The following NALCN variants were observed in gnomAD, a reference collection of about 807,000 sequenced individuals.
NALCN encodes sodium leak channel NALCN.
NALCN carries 111 observed loss-of-function variants against 225.3 expected under a neutral mutation model. The observed-to-expected ratio is 0.49, with a 90% confidence interval of 0.42 to 0.58. The LOEUF (loss-of-function observed/expected upper bound fraction) is 0.58. Ranked by LOEUF, NALCN falls within the 20% of genes least tolerant of loss-of-function variation. The pLI is 0.00. For missense variants in NALCN, 1,378 were observed against 2,202.4 expected (o/e 0.63, Z 7.49); for synonymous variants, 764 against 769.0 (o/e 0.99, Z 0.11).
chr13:101,317,829 T>C (rs908103544), intron 7 of NALCN, among the ~76,000 whole-genome samples: 1 of 152,188 alleles, frequency 6.6e-6, no homozygotes, highest in African/African-American at 2.4e-5. Flanking sequence ...ATAACCCACA[T>C]AAATGTTATG....
In NALCN at chr13:101,074,942, A is replaced by T. The variant is rs993894147; in HGVS notation, c.3955-280T>A. 3.3e-5 allele frequency among the ~76,000 whole-genome samples: 5 copies of T among 152,198 alleles called. No homozygotes were observed. The East Asian group carries it at 9.6e-4, about 29-fold the overall frequency. ...TTCAGCCTCTTCACACAAATTAATA[A>T]GAGTAACACTAAGCATTTTCACCTT... On this transcript the variant is annotated intron_variant, in intron 35 of 43. Transcript: ENST00000251127.
At chr13:101,163,086 A>C (rs1307362740) in intron 15 of NALCN, among the ~76,000 whole-genome samples, 2 of 152,078 alleles carry the variant, frequency 1.3e-5, no homozygotes, top group Non-Finnish European at 2.9e-5. Flanking sequence ...TATTTTTAGT[A>C]GAGATAGGGT....
At chr13:101,362,769 A>G (rs1594743952) in intron 6 of NALCN, among the ~76,000 whole-genome samples, 3 of 152,060 alleles carry the variant, frequency 2.0e-5, no homozygotes, top group African/African-American at 7.2e-5. Context: ...GAAATAAACG[A>G]CATCCAAATT....
chr13:101,218,438 T>C (rs1422413474), intron 13 of NALCN, among the ~76,000 whole-genome samples: 1 of 152,174 alleles, frequency 6.6e-6, no homozygotes, highest in East Asian at 1.9e-4. Flanking sequence ...TTACGGCTTC[T>C]GGTGTTTGCC....
chr13:101,059,992 A>G, intron 41 of NALCN, 25 bp from the exon 42 acceptor site: 1 of 1,612,316 alleles, frequency 6.2e-7, no homozygotes, highest in Non-Finnish European at 8.5e-7. Context: ...TTGTTTGTTC[A>G]GTAAAATAAG....
At chr13:101,114,273 T>C (rs2035589880) in intron 18 of NALCN, among the ~76,000 whole-genome samples, 1 of 152,208 alleles carries the variant, frequency 6.6e-6, no homozygotes, top group African/African-American at 2.4e-5. Context: ...TCCTTCTGAC[T>C]TCACAGGGAG....
chr13:101,088,122 T>C (rs1417856298), intron 30 of NALCN, among the ~76,000 whole-genome samples: 1 of 152,088 alleles, frequency 6.6e-6, no homozygotes, highest in East Asian at 1.9e-4. Context: ...TCACTACTGT[T>C]CTTTCTGTCT....
In NALCN at chr13:101,085,057, T is replaced by C. The variant is rs977701071; in HGVS notation, c.3490-1253A>G. ...ATATTAACGAGATGAAACATTTGCA[T>C]GTGTGTAAATGGTGATGCTTGTATC... On this transcript the variant is annotated intron_variant, in intron 30 of 43. Coordinates refer to ENST00000251127, the MANE Select transcript of NALCN (RefSeq NM_052867.4). 2.6e-5 allele frequency among the ~76,000 whole-genome samples: 4 copies of C among 152,214 alleles called. No individual in the cohort carries two copies. In the East Asian group the frequency reaches 5.8e-4, roughly 22 times the overall value.
At chr13:101,365,205 A>G (rs573342071) in intron 6 of NALCN, among the ~76,000 whole-genome samples, 4 of 151,812 alleles carry the variant, frequency 2.6e-5, no homozygotes, top group African/African-American at 4.8e-5. Flanking sequence ...CTCATCCTCC[A>G]CCCTCAGGTA....
intron 6 of NALCN, among the ~76,000 whole-genome samples, chr13:101,370,931 C>T (rs2046521925): frequency 1.3e-5 from 2 of 152,128 alleles, no homozygotes; most frequent in South Asian, 2.1e-4. Flanking sequence ...TATCACTAGG[C>T]AACTGCTGAT....
chr13:101,383,123 T>A (rs903744301), intron 3 of NALCN, among the ~76,000 whole-genome samples: 1 of 152,188 alleles, frequency 6.6e-6, no homozygotes, highest in Non-Finnish European at 1.5e-5. Flanking sequence ...ATGCTGTCCA[T>A]CTTCCCGAAA....
intron 26 of NALCN, among the ~76,000 whole-genome samples, chr13:101,102,801 G>A (rs2034894468): frequency 6.6e-6 from 1 of 152,184 alleles, no homozygotes; most frequent in African/African-American, 2.4e-5. Flanking sequence ...GAGCCCAAAA[G>A]CATGAATTCC....
intron 13 of NALCN, among the ~76,000 whole-genome samples, chr13:101,196,348 T>C: frequency 6.6e-6 from 1 of 152,224 alleles, no homozygotes; most frequent in South Asian, 2.1e-4. Context: ...TGTTCTTTCT[T>C]TAAACCATCA....
intron 6 of NALCN, among the ~76,000 whole-genome samples, chr13:101,369,940 G>C (rs960362532): frequency 2.5e-4 from 38 of 152,106 alleles, no homozygotes; most frequent in African/African-American, 8.9e-4. Flanking sequence ...CTTAAACTTT[G>C]TTTTTCTATT....
chr13:101,320,987 G>T (rs893873896), intron 7 of NALCN, among the ~76,000 whole-genome samples: 1 of 152,120 alleles, frequency 6.6e-6, no homozygotes, highest in African/African-American at 2.4e-5. Flanking sequence ...CTTGATCATG[G>T]TATAGGTGAC....
At position 101,104,429 on chromosome 13, in the gene NALCN, G is replaced by A; in HGVS notation, c.2758-3C>T. 1 of 1,612,932 alleles carries A rather than the reference G, an allele frequency of 6.2e-7. No individual in the cohort carries two copies. The highest frequency in any genetic ancestry group is 8.5e-7 in the Non-Finnish European group (1 of 1,179,276). Reference sequence around the variant, plus strand: ...ATCACAAACACATACTCAGCAATCTGAAACGGGCAAAAGGCAGTTTGGTTA... The same window carrying A: ...ATCACAAACACATACTCAGCAATCTAAAACGGGCAAAAGGCAGTTTGGTTA... On this transcript the variant is annotated splice_polypyrimidine_tract_variant and splice_region_variant and intron_variant, in intron 24 of 43. Coordinates refer to ENST00000251127, the MANE Select transcript of NALCN (RefSeq NM_052867.4). This position sits in a 1 kb window ranked among gnomAD's most constrained non-coding sequence, Gnocchi z 4.2.
chr13:101,251,735 A>G (rs892506537), intron 11 of NALCN, among the ~76,000 whole-genome samples: 4 of 152,202 alleles, frequency 2.6e-5, no homozygotes, highest in African/African-American at 9.6e-5. Flanking sequence ...TCTGACATAA[A>G]TAAGTCTAAT....
intron 11 of NALCN, among the ~76,000 whole-genome samples, chr13:101,250,791 T>C (rs1392400826): frequency 6.6e-6 from 1 of 151,786 alleles, no homozygotes; most frequent in African/African-American, 2.4e-5. Flanking sequence ...AAAGACAAGC[T>C]GAAGGCTGGG....
intron 4 of NALCN, among the ~76,000 whole-genome samples, chr13:101,378,303 T>A (rs1287810834): frequency 6.6e-6 from 1 of 152,136 alleles, no homozygotes; most frequent in Non-Finnish European, 1.5e-5. Flanking sequence ...ATTTGATCAT[T>A]ACACCTTGTA....
Sources: allele counts gnomAD v4.1 joint callset (sites outside exome capture counted in the v4.1 genomes callset), GRCh38; gene constraint gnomAD v4.1.1; non-coding constraint Gnocchi (gnomAD v3.1); transcripts MANE v1.5; gene names NCBI Gene and HGNC (gene_info 2026-07-23, HGNC 2026-07-21).